ESRRB: variants seen among roughly 807,000 people sequenced by gnomAD.
The protein encoded by ESRRB is estrogen related receptor beta, also known as steroid hormone receptor ERR2.
Under a neutral mutation model 46.0 loss-of-function variants are expected in ESRRB, and 16 were observed. That is an observed-to-expected ratio of 0.35 (90% CI 0.24 to 0.53). ESRRB has a LOEUF of 0.53. Among genes scored for constraint, ESRRB ranks in the 20% least tolerant of loss-of-function variants. The pLI is 0.93. For synonymous variants in ESRRB, 246 were observed against 259.6 expected (o/e 0.95, Z 0.50); for missense variants, 488 against 607.4 (o/e 0.80, Z 2.07).
chr14:76,444,072 T>G (rs1235827208), intron 2 of ESRRB, among the ~76,000 whole-genome samples: 1 of 152,112 alleles, frequency 6.6e-6, no homozygotes, highest in Admixed American at 6.5e-5. Context: ...GTTGTTGTTT[T>G]TTTTTTTGAG....
At chr14:76,422,370 C>G (rs567872746) in intron 1 of ESRRB, among the ~76,000 whole-genome samples, 20 of 152,124 alleles carry the variant, frequency 1.3e-4, no homozygotes, top group Non-Finnish European at 7.4e-5. Flanking sequence ...GCCACCACAC[C>G]CAGCTAATTT....
At chr14:76,474,004 G>GGAGCAGTTAT (rs1236297250) in intron 3 of ESRRB, among the ~76,000 whole-genome samples, 1 of 152,242 alleles carries the variant, frequency 6.6e-6, no homozygotes, top group African/African-American at 2.4e-5. Context: ...GGTGGAGGTG[G>GGAGCAGTTAT]GAGCAGTTAT....
intron 1 of ESRRB, among the ~76,000 whole-genome samples, chr14:76,321,882 G>A (rs1025550527): frequency 3.3e-5 from 3 of 91,262 alleles, no homozygotes; most frequent in Non-Finnish European, 5.5e-5. Context: ...GCGGGACTCC[G>A]TCTCAAAAAA....
chr14:76,318,959 C>T (rs1349000516), intron 1 of ESRRB, among the ~76,000 whole-genome samples: 1 of 152,188 alleles, frequency 6.6e-6, no homozygotes, highest in Admixed American at 6.5e-5. Context: ...TGCTCTCATC[C>T]TTTACAATTC....
chr14:76,464,768 T>C (rs1240269808), intron 3 of ESRRB, among the ~76,000 whole-genome samples: 1 of 152,182 alleles, frequency 6.6e-6, no homozygotes, highest in Non-Finnish European at 1.5e-5. Flanking sequence ...GTGGCTGAAC[T>C]GGGTCCCCTG....
intron 6 of ESRRB, among the ~76,000 whole-genome samples, chr14:76,493,276 T>A (rs1432552821): frequency 1.3e-5 from 2 of 152,200 alleles, no homozygotes; most frequent in Non-Finnish European, 2.9e-5. Flanking sequence ...TGTCTCAGCC[T>A]TCCGAGTAGC....
At chr14:76,442,374 G>A (rs1887955812) in intron 2 of ESRRB, among the ~76,000 whole-genome samples, 1 of 152,118 alleles carries the variant, frequency 6.6e-6, no homozygotes, top group Non-Finnish European at 1.5e-5. Context: ...TGCTTGGGAG[G>A]CTGAGGCAGG....
chr14:76,375,859 C>A (rs185254483), upstream of ESRRB, among the ~76,000 whole-genome samples: 6 of 149,956 alleles, frequency 4.0e-5, no homozygotes, highest in East Asian at 7.9e-4. Context: ...AATCTCCCCC[C>A]ACCCCAGACC....
intron 1 of ESRRB, among the ~76,000 whole-genome samples, chr14:76,312,291 C>T (rs570155498): frequency 1.2e-4 from 18 of 152,216 alleles, no homozygotes; most frequent in African/African-American, 3.4e-4. Context: ...GATATACACA[C>T]GTATGTTTAG....
At chr14:76,342,473 T>C (rs577808513) in intron 1 of ESRRB, among the ~76,000 whole-genome samples, 1 of 152,346 alleles carries the variant, frequency 6.6e-6, no homozygotes, top group South Asian at 2.1e-4. Context: ...AAGGGCATTC[T>C]TCCACCTGAC....
At chr14:76,443,584 C>T (rs1451270670) in intron 2 of ESRRB, among the ~76,000 whole-genome samples, 5 of 152,098 alleles carry the variant, frequency 3.3e-5, no homozygotes, top group Admixed American at 2.0e-4. Flanking sequence ...GGAGAGGTTG[C>T]CATTATTTTA....
intron 1 of ESRRB, among the ~76,000 whole-genome samples, chr14:76,419,833 C>T (rs11159205): frequency 0.28 from 42,697 of 152,094 alleles, 7,850 homozygotes; most frequent in African/African-American, 0.51. Context: ...GACCCTGTGC[C>T]CCTTCCAGTT....
rs566071281 is a variant in ESRRB at position 76,438,458 on chromosome 14, T to C, written c.51-883T>C. ...GGGTGGATCACCTAAGGTCAGGAGA[T>C]TGAGACCAGACTGGTCAATATGGTG... On this transcript the variant is annotated intron_variant, in intron 1 of 6. Coordinates refer to ENST00000644823, the MANE Select transcript of ESRRB (RefSeq NM_001379180.1). Among the ~76,000 whole-genome samples the C allele has an allele frequency of 1.6e-4, 25 of 152,216 alleles. No homozygotes were observed. In the East Asian group the frequency reaches 4.5e-3, roughly 27 times the overall value.
At chr14:76,320,441 A>G (rs557622960) in intron 1 of ESRRB, among the ~76,000 whole-genome samples, 32 of 152,294 alleles carry the variant, frequency 2.1e-4, no homozygotes, top group Middle Eastern at 3.4e-3. Context: ...TTCAGTCCTG[A>G]CCTTCTCCTG....
intron 1 of ESRRB, among the ~76,000 whole-genome samples, chr14:76,361,825 C>T (rs1033141078): frequency 7.9e-5 from 12 of 152,164 alleles, no homozygotes; most frequent in Non-Finnish European, 1.8e-4. Flanking sequence ...TGGGGAACTC[C>T]AGGGAAGGTG....
At chr14:76,375,859 C>G (rs185254483), upstream of ESRRB, among the ~76,000 whole-genome samples, 84 of 149,956 alleles carry the variant, frequency 5.6e-4, no homozygotes, top group African/African-American at 2.0e-3. Flanking sequence ...AATCTCCCCC[C>G]ACCCCAGACC....
At chr14:76,370,467 A>G (rs1188970048), upstream of ESRRB, among the ~76,000 whole-genome samples, 1 of 152,186 alleles carries the variant, frequency 6.6e-6, no homozygotes. Context: ...ACGGACAAAA[A>G]TAAGGTCAAG....
chr14:76,489,480 C>CACACACACACA (rs1890138576), intron 5 of ESRRB, among the ~76,000 whole-genome samples: 38 of 150,802 alleles, frequency 2.5e-4, no homozygotes, highest in Non-Finnish European at 4.3e-4. Context: ...CACACACACA[C>CACACACACACA]CCTGATCCCC....
intron 1 of ESRRB, among the ~76,000 whole-genome samples, chr14:76,328,191 C>CCAAT (rs1883957844): frequency 6.6e-6 from 1 of 152,152 alleles, no homozygotes; most frequent in East Asian, 1.9e-4. Context: ...AGTACTCATG[C>CCAAT]CAATATAGGA....
Sources: gnomAD v4.1 joint callset for allele counts (sites outside exome capture counted in the v4.1 genomes callset) on GRCh38, gnomAD v4.1.1 for gene constraint, MANE v1.5 for transcripts, NCBI Gene and HGNC (gene_info 2026-07-23, HGNC 2026-07-21) for gene names.